Variants in ATXN1 observed in about 807,000 individuals in gnomAD.
ATXN1 encodes ataxin 1.
A neutral mutation model predicts 56.4 loss-of-function variants in ATXN1; 8 were observed. The observed-to-expected ratio is 0.14, with a 90% CI of 0.08 to 0.26. The LOEUF is 0.26. Among genes scored for constraint, ATXN1 ranks in the 10% least tolerant of loss-of-function variants. The pLI is 1.00. For synonymous variants in ATXN1, 514 were observed against 494.6 expected (o/e 1.04, Z -0.52); for missense variants, 987 against 1,106.5 (o/e 0.89, Z 1.53).
chr6:16,589,149 C>T (rs961736723), intron 3 of ATXN1, among the ~76,000 whole-genome samples: 2 of 152,110 alleles, frequency 1.3e-5, no homozygotes, highest in African/African-American at 4.8e-5. Context: ...TGAAAAACTC[C>T]CTGACACCTT....
chr6:16,619,349 C>T (rs1455013270), intron 3 of ATXN1, among the ~76,000 whole-genome samples: 2 of 152,146 alleles, frequency 1.3e-5, no homozygotes, highest in African/African-American at 2.4e-5. Flanking sequence ...AAGTCCAGCA[C>T]AGCATCACTA....
At chr6:16,378,887 T>C (rs993058044) in intron 6 of ATXN1, among the ~76,000 whole-genome samples, 12 of 152,136 alleles carry the variant, frequency 7.9e-5, no homozygotes, top group African/African-American at 2.9e-4. Flanking sequence ...GTTATTATGA[T>C]GCCGATTCAG....
chr6:16,305,178 G>C lies in ATXN1; in HGVS notation c.*1151C>G, dbSNP rs1760211557. 6.6e-6 allele frequency: 1 copy of C among 152,372 alleles called. No homozygotes were observed. Among genetic ancestry groups the C allele is most frequent in the Admixed American group, 6.6e-5 (1 of 15,250 alleles). The allele number at this position is 152,372 out of a possible 1,614,324, so 9.4% of individuals were successfully genotyped here. A position where few individuals can be genotyped will look rare whatever the true frequency, so the allele number is the denominator to read the frequency against. On this transcript the variant is annotated 3_prime_UTR_variant, in exon 8 of 8. Transcript: ENST00000436367. ...TACTTGTTGAATGAGAGACCAAGAT[G>C]CTTGGTAATAAAGTGTGAACAGTAT...
intron 6 of ATXN1, among the ~76,000 whole-genome samples, chr6:16,417,318 A>T (rs536932973): frequency 6.6e-6 from 1 of 152,142 alleles, no homozygotes; most frequent in South Asian, 2.1e-4. Context: ...TACAGGCGCA[A>T]GCCACCACAC....
chr6:16,613,271 C>CAAA (rs765813165), intron 3 of ATXN1, among the ~76,000 whole-genome samples: 65 of 52,372 alleles, frequency 1.2e-3, no homozygotes, highest in African/African-American at 2.3e-3. Context: ...GACTCCGTCT[C>CAAA]AAAAAAAAAA....
intron 4 of ATXN1, among the ~76,000 whole-genome samples, chr6:16,569,018 T>A (rs1762282308): frequency 1.3e-5 from 2 of 152,124 alleles, no homozygotes; most frequent in Admixed American, 6.5e-5. Context: ...TCCTAAGAAG[T>A]GCAGATGAAT....
chr6:16,650,953 T>C (rs1266297676), intron 3 of ATXN1, among the ~76,000 whole-genome samples: 3 of 152,244 alleles, frequency 2.0e-5, no homozygotes, highest in African/African-American at 7.2e-5. Context: ...CTTTGCTGAA[T>C]TAAACTCTGT....
At chr6:16,626,608 C>T (rs888045532) in intron 3 of ATXN1, among the ~76,000 whole-genome samples, 1 of 152,174 alleles carries the variant, frequency 6.6e-6, no homozygotes, top group African/African-American at 2.4e-5. Context: ...TTTAATCATA[C>T]TTAATCAACT....
Position 16,326,529 on chromosome 6 carries a change from T to C in ATXN1, c.1782A>G (p.Lys594=), listed in dbSNP as rs781177056. Reference sequence around the variant, plus strand: ...CTGCACTCTGGATGAAATCTTCTGTTTTTAAGTCTTCCACCTTCTTTAGCT... The same window carrying C: ...CTGCACTCTGGATGAAATCTTCTGTCTTTAAGTCTTCCACCTTCTTTAGCT... ...NGELKKVEDL[K]TEDFIQSAEI... is the part of the protein sequence containing the mutation. Residue 594 remains lysine, a synonymous_variant, in exon 7 of 8, where the codon AAA becomes AAG. Transcript: ENST00000436367. This position sits in a 1 kb window ranked among gnomAD's most constrained non-coding sequence, Gnocchi z 6.6. 6.2e-7 allele frequency: 1 copy of C among 1,614,142 alleles called. No homozygotes were observed. Among genetic ancestry groups the C allele is most frequent in the South Asian group, 1.1e-5 (1 of 91,076 alleles).
intron 3 of ATXN1, among the ~76,000 whole-genome samples, chr6:16,624,915 C>G (rs1342177691): frequency 2.0e-5 from 3 of 152,208 alleles, no homozygotes; most frequent in Non-Finnish European, 4.4e-5. Context: ...CAGCTTCAAC[C>G]TTTGTTTCTG....
intron 4 of ATXN1, among the ~76,000 whole-genome samples, chr6:16,570,250 C>T (rs1762308856): frequency 6.6e-6 from 1 of 152,178 alleles, no homozygotes. Flanking sequence ...AGGTTTTCTC[C>T]TTCCTTCACT....
At chr6:16,594,564 C>T (rs1314413029) in intron 3 of ATXN1, among the ~76,000 whole-genome samples, 1 of 151,684 alleles carries the variant, frequency 6.6e-6, no homozygotes, top group Non-Finnish European at 1.5e-5. Context: ...CTCACTACAG[C>T]CTCCACCTCC....
chr6:16,452,186 T>C (rs1759767871), intron 6 of ATXN1, among the ~76,000 whole-genome samples: 1 of 152,146 alleles, frequency 6.6e-6, no homozygotes, highest in African/African-American at 2.4e-5. Context: ...AACACGATGT[T>C]TGGTCAACTG....
At chr6:16,667,239 T>G (rs527755322) in intron 2 of ATXN1, 1 of 152,300 alleles carries the variant, frequency 6.6e-6, no homozygotes, top group African/African-American at 2.4e-5. Context: ...AGAGCAAAGA[T>G]TCTCTATCTC....
intron 6 of ATXN1, among the ~76,000 whole-genome samples, chr6:16,389,336 C>CA (rs1295857472): frequency 1.6e-5 from 2 of 128,622 alleles, no homozygotes; most frequent in African/African-American, 3.1e-5. Flanking sequence ...GACTCCATCT[C>CA]CAAAAAAAAA....
At chr6:16,405,887 G>A (rs1332247185) in intron 6 of ATXN1, among the ~76,000 whole-genome samples, 1 of 152,156 alleles carries the variant, frequency 6.6e-6, no homozygotes, top group Non-Finnish European at 1.5e-5. Context: ...AAGAGGTGCT[G>A]GAACGGGGGC....
intron 3 of ATXN1, among the ~76,000 whole-genome samples, chr6:16,589,283 A>C (rs1193429500): frequency 2.0e-5 from 3 of 152,082 alleles, no homozygotes; most frequent in South Asian, 2.1e-4. Flanking sequence ...CCACAACCTA[A>C]GTCCCTTAAA....
chr6:16,356,251 G>C (rs1033778841), intron 6 of ATXN1, among the ~76,000 whole-genome samples: 1 of 152,180 alleles, frequency 6.6e-6, no homozygotes, highest in Admixed American at 6.5e-5. Flanking sequence ...TCGTGGCACA[G>C]GTCACGGATT....
At chr6:16,700,029 T>A (rs1759248724) in intron 2 of ATXN1, among the ~76,000 whole-genome samples, 2 of 152,176 alleles carry the variant, frequency 1.3e-5, no homozygotes, top group African/African-American at 4.8e-5. Flanking sequence ...AGTCACAAAA[T>A]AAACTATTAT....
Sources: gnomAD v4.1 joint callset for allele counts (sites outside exome capture counted in the v4.1 genomes callset) on GRCh38, gnomAD v4.1.1 for gene constraint, Gnocchi (gnomAD v3.1) non-coding constraint, MANE v1.5 for transcripts, NCBI Gene and HGNC (gene_info 2026-07-23, HGNC 2026-07-21) for gene names.